The following DOCK4 variants were observed in gnomAD, a reference collection of about 807,000 sequenced individuals.
The protein encoded by DOCK4 is dedicator of cytokinesis 4.
A neutral mutation model predicts 268.1 loss-of-function variants in DOCK4; 97 were observed. That is an observed-to-expected ratio of 0.36 (90% CI 0.31 to 0.43). DOCK4 has a LOEUF of 0.43. Ranked by LOEUF, DOCK4 falls within the 20% of genes least tolerant of loss-of-function variation. The pLI, the probability that DOCK4 is intolerant of heterozygous loss-of-function variation, is 1.00. For missense variants in DOCK4, 2,145 were observed against 2,455.7 expected, an observed-to-expected ratio of 0.87 and a Z score of 2.67; for synonymous variants, 954 against 887.2, an observed-to-expected ratio of 1.08 and a Z score of -1.34.
At chr7:112,073,478 T>C (rs1331204880) in intron 1 of DOCK4, among the ~76,000 whole-genome samples, 1 of 152,110 alleles carries the variant, frequency 6.6e-6, no homozygotes. Flanking sequence ...ACATGTATTA[T>C]TACAGATAAT....
intron 23 of DOCK4, among the ~76,000 whole-genome samples, chr7:111,847,835 C>A (rs964499879): frequency 6.6e-6 from 1 of 152,104 alleles, no homozygotes; most frequent in Admixed American, 6.6e-5. Context: ...ATCAGCAGCA[C>A]GAAAATGGAC....
In DOCK4 at chr7:111,962,921, G is replaced by C. The variant is rs185747614; in HGVS notation, c.701+14211C>G. Among the ~76,000 whole-genome samples, 20 of 152,174 alleles carry C rather than the reference G, an allele frequency of 1.3e-4. No individual in the cohort carries two copies. The East Asian group carries it at 2.9e-3, about 22-fold the overall frequency. On this transcript the variant is annotated intron_variant, in intron 8 of 52. Coordinates refer to ENST00000428084, the MANE Select transcript of DOCK4 (RefSeq NM_001363540.2). Reference sequence around the variant, plus strand: ...CACTTTTTCCAGAAGTACTACCCTGGTGCTATTTTCTCAAATAAAGGCCCA... The same window carrying C: ...CACTTTTTCCAGAAGTACTACCCTGCTGCTATTTTCTCAAATAAAGGCCCA...
At chr7:112,076,584 C>G (rs1216022508) in intron 1 of DOCK4, among the ~76,000 whole-genome samples, 1 of 152,076 alleles carries the variant, frequency 6.6e-6, no homozygotes, top group Non-Finnish European at 1.5e-5. Context: ...GGACATTCTC[C>G]AGGTAGCCAG....
At chr7:112,078,846 C>G (rs1808325465) in intron 1 of DOCK4, among the ~76,000 whole-genome samples, 1 of 152,112 alleles carries the variant, frequency 6.6e-6, no homozygotes, top group Non-Finnish European at 1.5e-5. Context: ...TAAAATACGG[C>G]CGGGTGCGGT....
rs572696889 is a variant in DOCK4 at position 111,818,485 on chromosome 7, G to A, written c.2930+3877C>T. On this transcript the variant is annotated intron_variant, in intron 27 of 52. Transcript: ENST00000428084. ...GCCAAGCATCTAAGGAACACCTTCC[G>A]TTACTTTTCTTCTCTCCCACCCACA... Among the ~76,000 whole-genome samples the A allele has an allele frequency of 3.5e-4, 54 of 152,216 alleles. No individual in the cohort carries two copies. In the East Asian group the frequency reaches 7.7e-3, roughly 22 times the overall value.
intron 1 of DOCK4, among the ~76,000 whole-genome samples, chr7:112,172,812 T>G (rs1352948665): frequency 2.0e-5 from 3 of 152,186 alleles, no homozygotes; most frequent in Non-Finnish European, 2.9e-5. Context: ...TATAGATACA[T>G]TTTGATATTT....
At chr7:111,806,603 T>C (rs1267348723) in intron 30 of DOCK4, among the ~76,000 whole-genome samples, 1 of 152,168 alleles carries the variant, frequency 6.6e-6, no homozygotes, top group Admixed American at 6.5e-5. Context: ...GTGCTAGAGC[T>C]AAGTCTTTAT....
At chr7:112,066,680 T>TAC (rs200960872) in intron 1 of DOCK4, among the ~76,000 whole-genome samples, 1 of 15,272 alleles carries the variant, frequency 6.5e-5, no homozygotes, top group Non-Finnish European at 1.1e-4. Flanking sequence ...CATATACATA[T>TAC]ATACATATAC....
Position 111,840,995 on chromosome 7 carries a change from C to T in DOCK4, c.2736+3768G>A, listed in dbSNP as rs1803642682. 9.3e-6 allele frequency: 4 copies of T among 428,788 alleles called. No homozygotes were observed. In the Admixed American group the frequency reaches 1.1e-4, roughly 12 times the overall value. The allele number at this position is 428,788 out of a possible 1,614,324, so 26.6% of individuals were successfully genotyped here. On this transcript the variant is annotated intron_variant, in intron 25 of 52. Transcript: ENST00000428084. The stretch of plus-strand genomic sequence containing the variant: ...TATAACAACAACAATACCTGAAGCA[C>T]GTCTGCAACAATCATGATATGACTG...
rs59052406 is a variant in DOCK4 at position 112,165,559 on chromosome 7, T to TGTGTGCGC, written c.37+40542_37+40543insGCGCACAC. Among the ~76,000 whole-genome samples, 88 of 148,250 alleles carry TGTGTGCGC rather than the reference T, an allele frequency of 5.9e-4. 1 individual carries two copies. Among genetic ancestry groups the TGTGTGCGC allele is most frequent in the East Asian group, 1.2e-3 (6 of 4,978 alleles). ...GTGTGTGTGTGTGTGTGTGTGTGTG[T>TGTGTGCGC]GCGTGTGTGTGTGTATCCCATTTCT... On this transcript the variant is annotated intron_variant, in intron 1 of 52. Transcript: ENST00000428084.
intron 1 of DOCK4, among the ~76,000 whole-genome samples, chr7:112,130,305 C>T (rs1388265740): frequency 6.6e-6 from 1 of 152,164 alleles, no homozygotes; most frequent in East Asian, 1.9e-4. Flanking sequence ...TCCCTGGTGC[C>T]ATCTGACAGG....
At chr7:111,871,555 TA>T (rs1806432175) in intron 20 of DOCK4, among the ~76,000 whole-genome samples, 1 of 152,214 alleles carries the variant, frequency 6.6e-6, no homozygotes, top group Admixed American at 6.5e-5. Context: ...TGGCACTCAG[TA>T]AATCCTAACA....
intron 30 of DOCK4, among the ~76,000 whole-genome samples, chr7:111,800,779 G>T (rs1800218112): frequency 6.6e-6 from 1 of 152,010 alleles, no homozygotes; most frequent in South Asian, 2.1e-4. Context: ...TCAGGAGAAG[G>T]CCCAACTGCT....
chr7:112,141,391 G>A lies in DOCK4; in HGVS notation c.37+64711C>T, dbSNP rs115807566. On this transcript the variant is annotated intron_variant, in intron 1 of 52. Transcript: ENST00000428084. ...ATCAAACACTAATCGGGGTATTGCT[G>A]TGAAGGTATTCTATAGATGTGATTA... Among the ~76,000 whole-genome samples the A allele has an allele frequency of 4.3e-3, 660 of 152,264 alleles. 2 individuals carry two copies. Among genetic ancestry groups the A allele is most frequent in the African/African-American group, 0.015 (616 of 41,534 alleles).
At position 111,988,037 on chromosome 7, in the gene DOCK4, G is replaced by A. The variant is rs139380118; in HGVS notation, c.464+978C>T. Reference sequence around the variant, plus strand: ...AATCAAACCTGGCTTCTGACAAAGTGATTTCCTATGGTAATGGGAAGTGGC... The same window carrying A: ...AATCAAACCTGGCTTCTGACAAAGTAATTTCCTATGGTAATGGGAAGTGGC... On this transcript the variant is annotated intron_variant, in intron 6 of 52. Transcript: ENST00000428084. Among the ~76,000 whole-genome samples the A allele has an allele frequency of 5.6e-3, 853 of 152,308 alleles. 11 individuals carry two copies. The highest frequency in any genetic ancestry group is 0.02 in the African/African-American group (817 of 41,556).
intron 17 of DOCK4, among the ~76,000 whole-genome samples, chr7:111,873,672 G>A (rs1337975484): frequency 2.6e-5 from 4 of 152,136 alleles, no homozygotes; most frequent in Non-Finnish European, 5.9e-5. Context: ...GAAAGAAAAA[G>A]AGAATATAGA....
chr7:112,187,589 G>A (rs1361556003), intron 1 of DOCK4, among the ~76,000 whole-genome samples: 3 of 152,192 alleles, frequency 2.0e-5, no homozygotes, highest in African/African-American at 7.2e-5. Flanking sequence ...AATGGCAAGC[G>A]AAAGTAGGAG....
chr7:111,783,448 C>A (rs908899590), intron 34 of DOCK4, among the ~76,000 whole-genome samples: 1 of 152,080 alleles, frequency 6.6e-6, no homozygotes, highest in Non-Finnish European at 1.5e-5. Context: ...CCCACGTCCC[C>A]TTTTTAAGAG....
At chr7:112,119,529 A>G (rs6974167) in intron 1 of DOCK4, among the ~76,000 whole-genome samples, 49,547 of 152,026 alleles carry the variant, frequency 0.33, 8,084 homozygotes, top group East Asian at 0.36. Context: ...CACTGATTGA[A>G]ATATAGGTTC....
Sources: gnomAD v4.1 joint callset for allele counts (sites outside exome capture counted in the v4.1 genomes callset) on GRCh38, gnomAD v4.1.1 for gene constraint, MANE v1.5 for transcripts, NCBI Gene and HGNC (gene_info 2026-07-23, HGNC 2026-07-21) for gene names.